CCDC7: variants seen among roughly 807,000 people sequenced by gnomAD.
The protein encoded by CCDC7 is coiled-coil domain containing 7, also known as coiled-coil domain-containing protein 7.
In CCDC7, 183 loss-of-function variants were observed where a neutral mutation model predicts 196.9. The ratio of observed to expected loss-of-function variants is 0.93; its 90% CI spans 0.82 to 1.05. The LOEUF is 1.05. Ranked by LOEUF, CCDC7 falls within the 50% of genes least tolerant of loss-of-function variation. The pLI, the probability that CCDC7 is intolerant of heterozygous loss-of-function variation, is 0.00. For synonymous variants in CCDC7, 525 were observed against 484.6 expected (o/e 1.08, Z -1.10); for missense variants, 1,540 against 1,482.2 (o/e 1.04, Z -0.64).
At chr10:32,451,209 A>C (rs1216915142), upstream of CCDC7, among the ~76,000 whole-genome samples, 1 of 152,200 alleles carries the variant, frequency 6.6e-6, no homozygotes, top group African/African-American at 2.4e-5. Flanking sequence ...AATTCTGAAA[A>C]ATTTAACACT....
At chr10:32,726,046 A>G (rs11598103) in intron 25 of CCDC7, among the ~76,000 whole-genome samples, 21,866 of 152,144 alleles carry the variant, frequency 0.14, 1,917 homozygotes, top group African/African-American at 0.25. Flanking sequence ...TCTTGTAGAT[A>G]ACAAACTACA....
intron 18 of CCDC7, among the ~76,000 whole-genome samples, chr10:32,605,314 C>G (rs892298078): frequency 6.6e-6 from 1 of 152,114 alleles, no homozygotes; most frequent in South Asian, 2.1e-4. Context: ...TTCTTTATAC[C>G]AAGACAGGAA....
chr10:32,620,170 G>A (rs1429351506), intron 18 of CCDC7, among the ~76,000 whole-genome samples: 1 of 151,550 alleles, frequency 6.6e-6, no homozygotes, highest in African/African-American at 2.4e-5. Context: ...TGATCCACCC[G>A]TCTTGACCTC....
intron 27 of CCDC7, 30 bp downstream of exon 28, chr10:32,729,027 A>G (rs1334493640): frequency 7.8e-6 from 11 of 1,413,188 alleles, no homozygotes; most frequent in African/African-American, 1.4e-5. Flanking sequence ...ATAACTTTAA[A>G]TTATTTTATG....
rs117734173 is a variant in CCDC7, at chr10:32,850,718, A to C, written c.3896-1089A>C. Among the ~76,000 whole-genome samples the C allele has an allele frequency of 1.7e-4, 26 of 152,028 alleles. No homozygotes were observed. In the East Asian group the frequency reaches 5.0e-3, roughly 29 times the overall value. ...ATAATCATTTTCAGAGGCAGCTTCTATGATATGACTTCTTTTGATTCAGAG... is the reference window on the plus strand; with the variant it reads ...ATAATCATTTTCAGAGGCAGCTTCTCTGATATGACTTCTTTTGATTCAGAG... On this transcript the variant is annotated intron_variant, in intron 39 of 41. Coordinates refer to ENST00000639629, the Ensembl canonical transcript of CCDC7.
At chr10:32,685,353 C>T (rs1268997946) in intron 21 of CCDC7, among the ~76,000 whole-genome samples, 2 of 152,084 alleles carry the variant, frequency 1.3e-5, no homozygotes, top group African/African-American at 4.8e-5. Context: ...TAGTTTATAG[C>T]AAGCTTGTCC....
exon 24 of CCDC7, chr10:32,694,889 A>G: frequency 6.3e-7 from 1 of 1,593,606 alleles, no homozygotes; most frequent in Non-Finnish European, 8.6e-7. Context: ...CTCATGATGA[A>G]GAACCAGGCA....
rs183061290 is a variant in CCDC7, at chr10:32,697,541, G to A, written c.2458+2549G>A. 8.9e-4 allele frequency among the ~76,000 whole-genome samples: 136 copies of A among 152,270 alleles called. 1 individual carries two copies. Among genetic ancestry groups the A allele is most frequent in the African/African-American group, 2.9e-3 (122 of 41,556 alleles). On this transcript the variant is annotated intron_variant, in intron 24 of 41. Coordinates refer to ENST00000639629, the Ensembl canonical transcript of CCDC7. Reference sequence around the variant, plus strand: ...GATTATATCCTGCGCCTCGCTTGGCGGGTCCCACACCCATGGAGCCTTGCT... The same window carrying A: ...GATTATATCCTGCGCCTCGCTTGGCAGGTCCCACACCCATGGAGCCTTGCT...
At chr10:32,611,816 A>G (rs574222929) in intron 18 of CCDC7, among the ~76,000 whole-genome samples, 1 of 152,294 alleles carries the variant, frequency 6.6e-6, no homozygotes, top group East Asian at 1.9e-4. Flanking sequence ...TGTTTTGGCT[A>G]CTGTAGCCTT....
intron 41 of CCDC7, among the ~76,000 whole-genome samples, chr10:32,870,671 T>C (rs544305573): frequency 1.3e-5 from 2 of 152,314 alleles, no homozygotes; most frequent in South Asian, 4.1e-4. Flanking sequence ...CCCTGTCTTG[T>C]GCCAGTTTTC....
At chr10:32,623,662 T>A (rs529407874) in intron 18 of CCDC7, 1 of 461,238 alleles carries the variant, frequency 2.2e-6, no homozygotes, top group South Asian at 1.6e-5. Context: ...AAGGAAATAC[T>A]TGAGGCTGGG....
intron 32 of CCDC7, among the ~76,000 whole-genome samples, chr10:32,828,410 GAGAAGGAGA>G (rs2091470286): frequency 7.3e-6 from 1 of 136,816 alleles, no homozygotes; most frequent in Admixed American, 7.5e-5. Flanking sequence ...GAAGGAGAAG[GAGAAGGAGA>G]AGAAGAAGAA....
chr10:32,674,174 A>T (rs914732603), intron 21 of CCDC7, among the ~76,000 whole-genome samples: 8 of 148,818 alleles, frequency 5.4e-5, no homozygotes, highest in Admixed American at 4.7e-4. Flanking sequence ...TTTTTCCTTG[A>T]AGTGTAAAGT....
chr10:32,636,782 C>T (rs1355614068), intron 20 of CCDC7, among the ~76,000 whole-genome samples: 2 of 152,206 alleles, frequency 1.3e-5, no homozygotes, highest in Non-Finnish European at 2.9e-5. Flanking sequence ...TTTCTAGTTC[C>T]AGATCCCTGA....
intron 28 of CCDC7, among the ~76,000 whole-genome samples, chr10:32,762,708 C>G (rs1360868826): frequency 6.6e-6 from 1 of 151,472 alleles, no homozygotes; most frequent in Non-Finnish European, 1.5e-5. Flanking sequence ...GAAATAAACC[C>G]AAGCATTTAT....
At chr10:32,535,306 T>C (rs2050294093) in intron 11 of CCDC7, among the ~76,000 whole-genome samples, 1 of 152,188 alleles carries the variant, frequency 6.6e-6, no homozygotes, top group South Asian at 2.1e-4. Flanking sequence ...CCTTAATAGG[T>C]AATTATTATT....
chr10:32,474,493 T>C (rs1243235280), intron 8 of CCDC7, among the ~76,000 whole-genome samples: 1 of 151,974 alleles, frequency 6.6e-6, no homozygotes, highest in African/African-American at 2.4e-5. Context: ...TGCCTTGGCC[T>C]CCCAAAGTGC....
chr10:32,846,752 C>A (rs1417870852), intron 37 of CCDC7, among the ~76,000 whole-genome samples: 1 of 152,140 alleles, frequency 6.6e-6, no homozygotes, highest in Non-Finnish European at 1.5e-5. Flanking sequence ...ACTTTTGTTT[C>A]TGAAAAGTGA....
chr10:32,461,486 C>T (rs2035604568), intron 3 of CCDC7, among the ~76,000 whole-genome samples: 1 of 151,780 alleles, frequency 6.6e-6, no homozygotes, highest in Non-Finnish European at 1.5e-5. Flanking sequence ...CTTGTAATTT[C>T]TCAAACAAGT....
Sources: gnomAD v4.1 joint callset for allele counts (sites outside exome capture counted in the v4.1 genomes callset) on GRCh38, gnomAD v4.1.1 for gene constraint, MANE v1.5 for transcripts, NCBI Gene and HGNC (gene_info 2026-07-23, HGNC 2026-07-21) for gene names.